The following FABP12 variants were observed in gnomAD, a reference collection of about 807,000 sequenced individuals.
FABP12 encodes fatty acid-binding protein 12.
A neutral mutation model predicts 13.7 loss-of-function variants in FABP12; 19 were observed. The ratio of observed to expected loss-of-function variants is 1.39; its 90% CI spans 0.97 to 2.04. The LOEUF is 2.04. Among genes scored for constraint, FABP12 ranks in the 30% most tolerant of loss-of-function variants. The probability of loss-of-function intolerance (pLI) is 0.00; values close to 1 mark genes in which losing one functional copy is unlikely to be tolerated. For missense variants in FABP12, 182 were observed against 164.2 expected (o/e 1.11, Z -0.59); for synonymous variants, 61 against 57.0 (o/e 1.07, Z -0.32).
At chr8:81,560,842 C>A (rs779947807) in intron 1 of FABP12, among the ~76,000 whole-genome samples, 2 of 152,168 alleles carry the variant, frequency 1.3e-5, no homozygotes, top group Non-Finnish European at 2.9e-5. Flanking sequence ...TGCTCTTAAT[C>A]CTTAGGCTGT....
chr8:81,555,871 G>A (rs1282978525), intron 1 of FABP12, among the ~76,000 whole-genome samples: 2 of 152,106 alleles, frequency 1.3e-5, no homozygotes, highest in East Asian at 3.8e-4. Context: ...AAAGACTTTA[G>A]ATGTTCTAGT....
In FABP12 at chr8:81,575,334, A is replaced by G. The variant is rs568030687; in HGVS notation, c.-185+14719T>C. Reference sequence around the variant, plus strand: ...CTGAGAGAGTGCTTGACATAATTTCAATTTTCATGAATTGATTGAGGCTCG... The same window carrying G: ...CTGAGAGAGTGCTTGACATAATTTCGATTTTCATGAATTGATTGAGGCTCG... On this transcript the variant is annotated intron_variant, in intron 1 of 5. Coordinates refer to the FABP12 transcript ENST00000692030. Among the ~76,000 whole-genome samples, 4 of 152,256 alleles carry G rather than the reference A, an allele frequency of 2.6e-5. No individual in the cohort carries two copies. The South Asian group carries it at 8.3e-4, about 32-fold the overall frequency.
chr8:81,527,500 T>C (rs1808936965), intron 3 of FABP12, among the ~76,000 whole-genome samples: 1 of 152,066 alleles, frequency 6.6e-6, no homozygotes, highest in African/African-American at 2.4e-5. Flanking sequence ...ATAGCTGGGA[T>C]TACAGGCACA....
chr8:81,529,729 T>G, intron 2 of FABP12, 119 bp from the exon 3 acceptor site: 1 of 953,910 alleles, frequency 1.0e-6, no homozygotes, highest in Non-Finnish European at 1.5e-6. Flanking sequence ...TCTGTATAAT[T>G]CTTTGCTAAC....
chr8:81,528,179 C>T (rs1427679230), intron 3 of FABP12, among the ~76,000 whole-genome samples: 2 of 151,982 alleles, frequency 1.3e-5, no homozygotes, highest in Non-Finnish European at 2.9e-5. Context: ...TCCTGTGCTC[C>T]AGCAATCCTC....
chr8:81,564,404 G>A (rs1809780421), intron 1 of FABP12, among the ~76,000 whole-genome samples: 1 of 152,104 alleles, frequency 6.6e-6, no homozygotes, highest in Admixed American at 6.5e-5. Flanking sequence ...TAATTGTGGA[G>A]TGTAAACTGA....
At chr8:81,540,541 T>A (rs191757923) in intron 1 of FABP12, among the ~76,000 whole-genome samples, 7 of 152,346 alleles carry the variant, frequency 4.6e-5, no homozygotes, top group Admixed American at 2.6e-4. Flanking sequence ...AGGGATATTC[T>A]ACAAAATACT....
chr8:81,531,572 T>A (rs1050307184), intron 1 of FABP12, among the ~76,000 whole-genome samples, 182 bp from the exon 2 acceptor site: 1 of 152,214 alleles, frequency 6.6e-6, no homozygotes, highest in Non-Finnish European at 1.5e-5. Context: ...TAGATATACC[T>A]TTTCCAACAC....
At chr8:81,576,767 A>G (rs984823136) in intron 1 of FABP12, among the ~76,000 whole-genome samples, 8 of 152,214 alleles carry the variant, frequency 5.3e-5, no homozygotes, top group African/African-American at 1.9e-4. Flanking sequence ...TTTCTAGCTC[A>G]TGCTATATGT....
chr8:81,553,603 A>G (rs2130021067), intron 1 of FABP12, among the ~76,000 whole-genome samples: 1 of 152,292 alleles, frequency 6.6e-6, no homozygotes, highest in East Asian at 1.9e-4. Context: ...GGGAATTTGT[A>G]CTTACTCAAG....
intron 4 of FABP12, among the ~76,000 whole-genome samples, chr8:81,525,551 TA>T (rs1220546045): frequency 6.8e-6 from 1 of 146,736 alleles, no homozygotes; most frequent in African/African-American, 2.7e-5. Context: ...GATAGATAGA[TA>T]GATGATAGAT....
chr8:81,588,337 GC>G (rs1810273600), intron 1 of FABP12, among the ~76,000 whole-genome samples: 1 of 152,154 alleles, frequency 6.6e-6, no homozygotes. Flanking sequence ...CTATTTGGAT[GC>G]CTGTTATTTC....
intron 1 of FABP12, among the ~76,000 whole-genome samples, chr8:81,571,242 C>A (rs142449282): frequency 6.6e-6 from 1 of 152,222 alleles, no homozygotes; most frequent in Non-Finnish European, 1.5e-5. Context: ...CAGGCACCTC[C>A]GAGCCTGCAA....
intron 4 of FABP12, chr8:81,526,091 A>G (rs1325748035): frequency 1.3e-5 from 2 of 152,200 alleles, no homozygotes; most frequent in Non-Finnish European, 2.9e-5. Context: ...AAAATCAATC[A>G]TCCTTAGTCT....
intron 1 of FABP12, among the ~76,000 whole-genome samples, chr8:81,568,586 C>T (rs1809869477): frequency 6.6e-6 from 1 of 152,104 alleles, no homozygotes; most frequent in East Asian, 1.9e-4. Context: ...CTCAAAAAAA[C>T]TAAAAATAGA....
intron 1 of FABP12, among the ~76,000 whole-genome samples, chr8:81,565,220 G>A (rs1055769347): frequency 4.6e-5 from 7 of 151,898 alleles, no homozygotes; most frequent in Admixed American, 1.3e-4. Flanking sequence ...GGGAAATACA[G>A]TCCAATACAA....
chr8:81,525,890 G>A (rs999378212), intron 4 of FABP12: 1 of 152,056 alleles, frequency 6.6e-6, no homozygotes, highest in Admixed American at 6.5e-5. Flanking sequence ...GAAAACCTTT[G>A]GCAAAGACAC....
chr8:81,534,894 C>T (rs1172816778), upstream of FABP12, among the ~76,000 whole-genome samples: 1 of 152,048 alleles, frequency 6.6e-6, no homozygotes, highest in Non-Finnish European at 1.5e-5. Flanking sequence ...GCCGAGATCA[C>T]ACCACTGCAC....
chr8:81,561,810 C>T (rs1374488592), intron 1 of FABP12, among the ~76,000 whole-genome samples: 2 of 152,214 alleles, frequency 1.3e-5, no homozygotes, highest in Middle Eastern at 3.4e-3. Flanking sequence ...TCCAGCTAGC[C>T]CCATCACTGA....
Sources: allele counts gnomAD v4.1 joint callset (sites outside exome capture counted in the v4.1 genomes callset), GRCh38; gene constraint gnomAD v4.1.1; transcripts MANE v1.5; gene names NCBI Gene and HGNC (gene_info 2026-07-23, HGNC 2026-07-21).